The following WARS2 variants were observed in gnomAD, a reference collection of about 807,000 sequenced individuals.
WARS2 encodes the protein tryptophanyl tRNA synthetase 2, mitochondrial.
In WARS2, 28 loss-of-function variants were observed where a neutral mutation model predicts 36.5. That is an observed-to-expected ratio of 0.77 (90% CI 0.57 to 1.05). WARS2 has a LOEUF of 1.05. Ranked by LOEUF, WARS2 falls within the 50% of genes least tolerant of loss-of-function variation. WARS2 has a pLI of 0.00. For missense variants in WARS2, 435 were observed against 456.8 expected, an observed-to-expected ratio of 0.95 and a Z score of 0.44; for synonymous variants, 174 against 178.4, an observed-to-expected ratio of 0.98 and a Z score of 0.20.
intron 1 of WARS2, among the ~76,000 whole-genome samples, chr1:119,118,737 C>T (rs1655145945): frequency 1.3e-5 from 2 of 152,172 alleles, no homozygotes; most frequent in South Asian, 4.1e-4. Context: ...GATTTCTCAG[C>T]AGAAACCCTG....
At chr1:119,107,472 T>C (rs1220230786) in intron 1 of WARS2, among the ~76,000 whole-genome samples, 2 of 152,144 alleles carry the variant, frequency 1.3e-5, no homozygotes, top group Non-Finnish European at 1.5e-5. Context: ...TGTCTGTGTC[T>C]AGATTCGTGT....
intron 2 of WARS2, among the ~76,000 whole-genome samples, chr1:119,056,011 CTTT>C (rs35376461): frequency 2.4e-5 from 3 of 127,218 alleles, no homozygotes; most frequent in Admixed American, 8.1e-5. Context: ...CATACCATAA[CTTT>C]TTTTTTTTTT....
chr1:119,117,757 A>T (rs1655067541), intron 1 of WARS2, among the ~76,000 whole-genome samples: 1 of 152,208 alleles, frequency 6.6e-6, no homozygotes, highest in Non-Finnish European at 1.5e-5. Context: ...GATGGGTCAC[A>T]TCACAGGACT....
At chr1:119,078,898 G>A (rs1201005466) in intron 1 of WARS2, among the ~76,000 whole-genome samples, 2 of 92,344 alleles carry the variant, frequency 2.2e-5, no homozygotes, top group African/African-American at 3.1e-5. Context: ...GAAGGTGCAC[G>A]TGTGTGTGTG....
chr1:119,076,313 C>T, intron 2 of WARS2, 37 bp downstream of exon 2: 1 of 1,609,996 alleles, frequency 6.2e-7, no homozygotes, highest in Non-Finnish European at 8.5e-7. Flanking sequence ...ATAATCTACA[C>T]ATAAGAGTTT....
intron 1 of WARS2, among the ~76,000 whole-genome samples, chr1:119,124,185 G>A (rs1655503858): frequency 6.6e-6 from 1 of 151,992 alleles, no homozygotes; most frequent in Non-Finnish European, 1.5e-5. Flanking sequence ...AATCTTATTT[G>A]CTCTACCTTT....
chr1:119,042,327 T>C lies in WARS2; in HGVS notation c.452A>G (p.His151Arg), dbSNP rs150022801. The C allele has an allele frequency of 2.6e-3, 4,201 of 1,613,804 alleles. 11 individuals carry two copies. Among genetic ancestry groups the C allele is most frequent in the Non-Finnish European group, 3.2e-3 (3,724 of 1,179,858 alleles). Reference protein sequence around the residue: ...QWKAKTTKQKHDGTVGLLTYP... With the variant: ...QWKAKTTKQKRDGTVGLLTYP... Reference sequence around the variant, plus strand: ...TGTGAGCAGGCCCACCGTGCCATCGTGCTTCTGCTTGGTAGTCTTTGCCTG... The same window carrying C: ...TGTGAGCAGGCCCACCGTGCCATCGCGCTTCTGCTTGGTAGTCTTTGCCTG... Residue 151 changes from histidine to arginine, a missense_variant, in exon 4 of 6, where the codon CAC becomes CGC. Physicochemically the swap from His to Arg is conservative, Grantham distance 29 (BLOSUM62 0). Coordinates refer to ENST00000235521, the MANE Select transcript of WARS2 (RefSeq NM_015836.4).
chr1:119,136,995 C>G (rs964484305), intron 1 of WARS2, among the ~76,000 whole-genome samples: 1 of 152,164 alleles, frequency 6.6e-6, no homozygotes, highest in Non-Finnish European at 1.5e-5. Context: ...CTGACTGGTT[C>G]TCTTCAAAAG....
intron 1 of WARS2, among the ~76,000 whole-genome samples, chr1:119,079,465 T>C (rs1216758388): frequency 6.6e-6 from 1 of 152,160 alleles, no homozygotes; most frequent in East Asian, 1.9e-4. Context: ...GAAGCTGCAA[T>C]TGCTGGTTGG....
At chr1:119,068,714 T>C (rs1297329752) in intron 2 of WARS2, among the ~76,000 whole-genome samples, 1 of 152,212 alleles carries the variant, frequency 6.6e-6, no homozygotes, top group Non-Finnish European at 1.5e-5. Flanking sequence ...CACTCAGGCC[T>C]GCTGGCTTGC....
chr1:119,134,625 G>A (rs1019896138), intron 1 of WARS2, among the ~76,000 whole-genome samples: 4 of 152,190 alleles, frequency 2.6e-5, no homozygotes, highest in Admixed American at 1.3e-4. Flanking sequence ...ATAGAATATT[G>A]TCAAGAAATG....
chr1:119,099,486 G>A (rs750348659), intron 1 of WARS2, among the ~76,000 whole-genome samples: 2 of 152,178 alleles, frequency 1.3e-5, no homozygotes, highest in Non-Finnish European at 2.9e-5. Context: ...TATGGTTCAA[G>A]GGGTCAGGGT....
At chr1:119,049,196 C>G (rs116727258) in intron 2 of WARS2, among the ~76,000 whole-genome samples, 1 of 152,198 alleles carries the variant, frequency 6.6e-6, no homozygotes, top group Admixed American at 6.5e-5. Flanking sequence ...GGGCAGCACA[C>G]CAGCGGGCCA....
intron 2 of WARS2, among the ~76,000 whole-genome samples, chr1:119,067,254 G>A (rs1022036039): frequency 3.3e-5 from 5 of 152,148 alleles, no homozygotes; most frequent in African/African-American, 1.2e-4. Flanking sequence ...ACATTTGTAG[G>A]AATGATGAGT....
At chr1:119,126,781 C>T (rs959571332) in intron 1 of WARS2, 1 of 738,200 alleles carries the variant, frequency 1.4e-6, no homozygotes, top group African/African-American at 1.7e-5. Context: ...AACTTATTGA[C>T]CACCTCTTTC....
At chr1:119,053,571 A>G (rs1240812837) in intron 2 of WARS2, among the ~76,000 whole-genome samples, 3 of 152,210 alleles carry the variant, frequency 2.0e-5, no homozygotes, top group Admixed American at 6.5e-5. Context: ...ATGTTGATAT[A>G]TTTGATAGCC....
At chr1:119,043,728 C>T (rs1648563581) in intron 3 of WARS2, among the ~76,000 whole-genome samples, 2 of 152,214 alleles carry the variant, frequency 1.3e-5, no homozygotes, top group African/African-American at 2.4e-5. Flanking sequence ...GTTGCCATCA[C>T]ATTCAATTTA....
At chr1:119,097,420 C>G (rs750127083) in intron 1 of WARS2, among the ~76,000 whole-genome samples, 5 of 152,208 alleles carry the variant, frequency 3.3e-5, no homozygotes, top group Non-Finnish European at 7.3e-5. Context: ...CCATTCCCCT[C>G]CATGAATTGT....
chr1:119,046,960 T>A (rs1250679182), intron 2 of WARS2, among the ~76,000 whole-genome samples: 1 of 152,210 alleles, frequency 6.6e-6, no homozygotes, highest in Admixed American at 6.5e-5. Context: ...TTTCTCATTT[T>A]TTTCCTCAAG....
Sources: allele counts gnomAD v4.1 joint callset (sites outside exome capture counted in the v4.1 genomes callset), GRCh38; gene constraint gnomAD v4.1.1; transcripts MANE v1.5; gene names NCBI Gene and HGNC (gene_info 2026-07-23, HGNC 2026-07-21).